The following COL5A2 variants were observed in gnomAD, a reference collection of about 807,000 sequenced individuals.
COL5A2 encodes collagen alpha-2(V) chain.
In COL5A2, 23 loss-of-function variants were observed where a neutral mutation model predicts 208.2. The ratio of observed to expected loss-of-function variants is 0.11; its 90% CI spans 0.08 to 0.16. The LOEUF (loss-of-function observed/expected upper bound fraction) is 0.16. Ranked by LOEUF, COL5A2 falls within the 10% of genes least tolerant of loss-of-function variation. The pLI is 1.00. For synonymous variants in COL5A2, 625 were observed against 628.5 expected (o/e 0.99, Z 0.08); for missense variants, 1,590 against 1,956.4 (o/e 0.81, Z 3.53).
At chr2:189,233,891 T>G in the COL5A2 span, among the ~76,000 whole-genome samples, 3 of 151,724 alleles carry the variant, frequency 2.0e-5, no homozygotes, top group Non-Finnish European at 4.4e-5. Flanking sequence ...TATTTTCCAG[T>G]GGCAATGGGT....
chr2:189,330,877 T>A, the COL5A2 span, among the ~76,000 whole-genome samples: 179 of 152,318 alleles, frequency 1.2e-3, no homozygotes, highest in Non-Finnish European at 2.1e-3. Flanking sequence ...TTTGACACAA[T>A]TTCTGTTATA....
the COL5A2 span, among the ~76,000 whole-genome samples, chr2:189,364,573 G>C: frequency 1.3e-5 from 2 of 152,050 alleles, no homozygotes; most frequent in Non-Finnish European, 2.9e-5. Context: ...TGTCATTCCA[G>C]CTACTCGGAA....
the COL5A2 span, among the ~76,000 whole-genome samples, chr2:189,331,511 G>A: frequency 0.57 from 86,723 of 151,922 alleles, 26,424 homozygotes; most frequent in East Asian, 0.71. Context: ...TCATGATAGT[G>A]AATAAGTCTC....
chr2:189,254,720 C>A, the COL5A2 span, among the ~76,000 whole-genome samples: 21 of 152,196 alleles, frequency 1.4e-4, no homozygotes, highest in Admixed American at 1.2e-3. Context: ...CTCTGCCTGT[C>A]ACCAGGGGCC....
the COL5A2 span, among the ~76,000 whole-genome samples, chr2:189,263,841 C>T: frequency 4.6e-5 from 7 of 152,052 alleles, no homozygotes; most frequent in Non-Finnish European, 8.8e-5. Context: ...TGTCTAAGTA[C>T]ACTCTTTGAT....
the COL5A2 span, among the ~76,000 whole-genome samples, chr2:189,272,668 A>ATTT: frequency 2.0e-5 from 3 of 151,710 alleles, no homozygotes; most frequent in South Asian, 2.1e-4. Flanking sequence ...AATTTTTTTA[A>ATTT]AAAAAATCTC....
At chr2:189,238,190 A>G in the COL5A2 span, among the ~76,000 whole-genome samples, 4 of 149,814 alleles carry the variant, frequency 2.7e-5, no homozygotes, top group Non-Finnish European at 6.0e-5. Context: ...TAAATATGTC[A>G]TAAATATGAG....
Position 189,059,585 on chromosome 2 carries a change from G to GTTTTTTTTT in COL5A2, c.2086-701_2086-693dup, listed in dbSNP as rs71020980. ...AAAAACCCTTCTTTTTTCTTTTCTGGTTTTTTTTTTTTTTTTTTTTTTTTT... is the reference window on the plus strand; with the variant it reads ...AAAAACCCTTCTTTTTTCTTTTCTGGTTTTTTTTTTTTTTTTTTTTTTTTTTTTTTTTTT... On this transcript the variant is annotated intron_variant, in intron 31 of 53. Transcript: ENST00000374866. Among the ~76,000 whole-genome samples, 150 of 28,642 alleles carry GTTTTTTTTT rather than the reference G, an allele frequency of 5.2e-3. 39 individuals carry two copies. The highest frequency in any genetic ancestry group is 0.014 in the East Asian group (12 of 872). The allele number at this position is 28,642 out of a possible 152,430, so 18.8% of individuals were successfully genotyped here.
chr2:189,068,651 T>C (rs1686205452), intron 19 of COL5A2, 135 bp downstream of exon 19: 1 of 705,932 alleles, frequency 1.4e-6, no homozygotes, highest in African/African-American at 1.8e-5. Context: ...CTTAGGCATA[T>C]AACAGAACAT....
intron 1 of COL5A2, among the ~76,000 whole-genome samples, chr2:189,116,534 A>G (rs1264825690): frequency 6.6e-6 from 1 of 152,192 alleles, no homozygotes; most frequent in Non-Finnish European, 1.5e-5. Flanking sequence ...AGGGGGATCT[A>G]TTACATACTT....
the COL5A2 span, among the ~76,000 whole-genome samples, chr2:189,326,037 C>A: frequency 1.4e-5 from 2 of 147,048 alleles, no homozygotes; most frequent in Non-Finnish European, 3.0e-5. Context: ...TCTGAGGTTG[C>A]AGTGAGCCAA....
intron 1 of COL5A2, among the ~76,000 whole-genome samples, chr2:189,125,471 G>A (rs1315175553): frequency 3.3e-5 from 5 of 151,874 alleles, no homozygotes; most frequent in Admixed American, 1.3e-4. Flanking sequence ...CACTTATAAG[G>A]GGATTTCCTC....
chr2:189,057,865 T>C (rs1329989786), intron 33 of COL5A2, among the ~76,000 whole-genome samples: 1 of 152,216 alleles, frequency 6.6e-6, no homozygotes, highest in African/African-American at 2.4e-5. Context: ...CTCTAAACCC[T>C]GAAAATAATA....
At chr2:189,138,928 T>C (rs769599143) in intron 1 of COL5A2, among the ~76,000 whole-genome samples, 1 of 152,222 alleles carries the variant, frequency 6.6e-6, no homozygotes, top group African/African-American at 2.4e-5. Context: ...ACAAATCTCC[T>C]ATGCAGAATT....
chr2:189,297,551 G>T, the COL5A2 span, among the ~76,000 whole-genome samples: 1 of 151,322 alleles, frequency 6.6e-6, no homozygotes, highest in Non-Finnish European at 1.5e-5. Context: ...TCATATAACT[G>T]AAACTTACTT....
chr2:189,086,900 A>C, intron 8 of COL5A2, 130 bp from the exon 9 acceptor site: 1 of 754,854 alleles, frequency 1.3e-6, no homozygotes, highest in Non-Finnish European at 2.3e-6. Context: ...GACATTCTCC[A>C]TCTGTACTCA....
the COL5A2 span, among the ~76,000 whole-genome samples, chr2:189,429,709 A>G: frequency 6.6e-6 from 1 of 152,212 alleles, no homozygotes; most frequent in East Asian, 1.9e-4. Flanking sequence ...TGGGACATTT[A>G]TAATTCCTCC....
the COL5A2 span, among the ~76,000 whole-genome samples, chr2:189,255,171 C>T: frequency 6.6e-6 from 1 of 152,162 alleles, no homozygotes; most frequent in African/African-American, 2.4e-5. Context: ...AGAATGCAAA[C>T]ATAAGTTCCA....
chr2:189,317,968 T>C, the COL5A2 span, among the ~76,000 whole-genome samples: 1 of 152,216 alleles, frequency 6.6e-6, no homozygotes, highest in Non-Finnish European at 1.5e-5. Flanking sequence ...ACTCACTTGT[T>C]CCTGACAAAA....
Sources: allele counts gnomAD v4.1 joint callset (sites outside exome capture counted in the v4.1 genomes callset), GRCh38; gene constraint gnomAD v4.1.1; transcripts MANE v1.5; gene names NCBI Gene and HGNC (gene_info 2026-07-23, HGNC 2026-07-21).